CAMTA1: variants seen among roughly 807,000 people sequenced by gnomAD.
CAMTA1 encodes calmodulin-binding transcription activator 1.
CAMTA1 carries 27 observed loss-of-function variants against 170.9 expected under a neutral mutation model. That is an observed-to-expected ratio of 0.16 (90% CI 0.12 to 0.22). CAMTA1 has a LOEUF of 0.22. Ranked by LOEUF, CAMTA1 falls within the 10% of genes least tolerant of loss-of-function variation. The pLI is 1.00. For synonymous variants in CAMTA1, 833 were observed against 891.5 expected (o/e 0.93, Z 1.17); for missense variants, 1,619 against 2,217.2 (o/e 0.73, Z 5.42).
Position 7,682,006 on chromosome 1 carries a change from C to A in CAMTA1, c.2914+4273C>A, listed in dbSNP as rs547830532. 1.4e-4 allele frequency among the ~76,000 whole-genome samples: 21 copies of A among 151,762 alleles called. No individual in the cohort carries two copies. The highest frequency in any genetic ancestry group is 1.4e-3 in the Admixed American group (21 of 15,222). Reference sequence around the variant, plus strand: ...CCCTGTCCCCACCCCCACCTGCCGGCCCTTCTTGGAACCCCACTAAGCCGC... The same window carrying A: ...CCCTGTCCCCACCCCCACCTGCCGGACCTTCTTGGAACCCCACTAAGCCGC... On this transcript the variant is annotated intron_variant, in intron 11 of 22. Coordinates refer to ENST00000303635, the MANE Select transcript of CAMTA1 (RefSeq NM_015215.4). The surrounding 1 kb of genome is among the most constrained non-coding windows in gnomAD (Gnocchi z 5.0).
At chr1:6,916,308 G>A (rs4908428) in intron 3 of CAMTA1, among the ~76,000 whole-genome samples, 10,816 of 152,172 alleles carry the variant, frequency 0.071, 648 homozygotes, top group Admixed American at 0.2. Flanking sequence ...TTCCAAGAAA[G>A]GACACTAAGA....
At chr1:7,240,547 G>T (rs1396890169) in intron 4 of CAMTA1, among the ~76,000 whole-genome samples, 1 of 149,206 alleles carries the variant, frequency 6.7e-6, no homozygotes. Context: ...ATTGAGATGG[G>T]GTCTCACTCT....
intron 5 of CAMTA1, among the ~76,000 whole-genome samples, chr1:7,403,729 C>G (rs1259586717): frequency 2.6e-5 from 4 of 152,204 alleles, no homozygotes; most frequent in Admixed American, 6.5e-5. Context: ...CTGGGACCAT[C>G]TAGAACCTGG....
chr1:7,683,181 C>CAAAA (rs34814185), intron 11 of CAMTA1, among the ~76,000 whole-genome samples: 2 of 89,488 alleles, frequency 2.2e-5, no homozygotes, highest in Non-Finnish European at 2.1e-5. Flanking sequence ...GACTCTGTCT[C>CAAAA]AAAAAAAAAA....
At chr1:7,318,497 T>C (rs556915299) in intron 5 of CAMTA1, among the ~76,000 whole-genome samples, 39 of 152,250 alleles carry the variant, frequency 2.6e-4, no homozygotes, top group Admixed American at 5.2e-4. Flanking sequence ...AAAAATGTAA[T>C]GTGACCAGAG....
chr1:7,328,538 TCA>T (rs2082833237), intron 5 of CAMTA1, among the ~76,000 whole-genome samples: 1 of 152,042 alleles, frequency 6.6e-6, no homozygotes, highest in African/African-American at 2.4e-5. Context: ...TCAGACAAAC[TCA>T]GTTATCACCA....
chr1:7,237,669 A>G (rs1426841286), intron 4 of CAMTA1, among the ~76,000 whole-genome samples: 1 of 152,212 alleles, frequency 6.6e-6, no homozygotes, highest in Non-Finnish European at 1.5e-5. Context: ...ATCTTCAGTT[A>G]TTAATCATCT....
intron 4 of CAMTA1, among the ~76,000 whole-genome samples, chr1:7,186,512 G>A (rs1437384520): frequency 1.3e-5 from 2 of 152,098 alleles, no homozygotes; most frequent in African/African-American, 4.8e-5. Context: ...CTTATTGGGG[G>A]ATGACAGATG....
chr1:7,194,937 A>G (rs918638338), intron 4 of CAMTA1, among the ~76,000 whole-genome samples: 1 of 152,218 alleles, frequency 6.6e-6, no homozygotes, highest in African/African-American at 2.4e-5. Context: ...AGTTATCTAG[A>G]TAACAATCAT....
chr1:7,763,399 G>T (rs2096990786), intron 22 of CAMTA1, among the ~76,000 whole-genome samples: 1 of 152,202 alleles, frequency 6.6e-6, no homozygotes, highest in Non-Finnish European at 1.5e-5. Context: ...CTCAGGAGTT[G>T]TGGAAGCCTG....
At chr1:7,259,292 C>G (rs1667843426) in intron 5 of CAMTA1, among the ~76,000 whole-genome samples, 1 of 152,188 alleles carries the variant, frequency 6.6e-6, no homozygotes, top group Non-Finnish European at 1.5e-5. Flanking sequence ...CCTCCTTGCA[C>G]TTCGTAATTC....
At chr1:7,321,457 G>A (rs1420067230) in intron 5 of CAMTA1, among the ~76,000 whole-genome samples, 1 of 152,170 alleles carries the variant, frequency 6.6e-6, no homozygotes, top group Non-Finnish European at 1.5e-5. Context: ...AGTGATGCTT[G>A]GCCCTCTCAC....
At chr1:7,124,670 A>G (rs1233493021) in intron 4 of CAMTA1, among the ~76,000 whole-genome samples, 3 of 152,190 alleles carry the variant, frequency 2.0e-5, no homozygotes, top group Admixed American at 2.0e-4. Flanking sequence ...AGGAAACGTT[A>G]AGCAGATTCC....
At chr1:7,512,609 C>T (rs1341522240) in intron 6 of CAMTA1, among the ~76,000 whole-genome samples, 2 of 152,170 alleles carry the variant, frequency 1.3e-5, no homozygotes, top group Admixed American at 6.5e-5. Context: ...GCGGGAGGGC[C>T]GTTGGCCATG....
At chr1:7,724,173 C>T (rs1279920754) in intron 11 of CAMTA1, among the ~76,000 whole-genome samples, 1 of 152,142 alleles carries the variant, frequency 6.6e-6, no homozygotes, top group Non-Finnish European at 1.5e-5. Flanking sequence ...GTCACAGATC[C>T]AAGGACACTA....
intron 3 of CAMTA1, among the ~76,000 whole-genome samples, chr1:6,897,666 A>C (rs939174207): frequency 3.3e-5 from 5 of 152,152 alleles, no homozygotes; most frequent in African/African-American, 1.2e-4. Context: ...TGTGCAGTAC[A>C]CTTGACCCTA....
chr1:7,479,257 A>G (rs1028742569), intron 6 of CAMTA1, among the ~76,000 whole-genome samples: 24 of 152,208 alleles, frequency 1.6e-4, no homozygotes, highest in African/African-American at 4.8e-4. Flanking sequence ...GACTCCTGGC[A>G]AATGGTTTTG....
intron 11 of CAMTA1, among the ~76,000 whole-genome samples, chr1:7,704,247 CGGCGCGGGGAGCCAGGCAGGGCG>C (rs911490708): frequency 1.4e-5 from 2 of 146,470 alleles, no homozygotes; most frequent in African/African-American, 4.9e-5. Context: ...GCGGCCCCGA[CGGCGCGGGGAGCCAGGCAGGGCG>C]GGCGCGGGGC....
chr1:7,401,078 T>G (rs543808270), intron 5 of CAMTA1, among the ~76,000 whole-genome samples: 4 of 152,372 alleles, frequency 2.6e-5, no homozygotes, highest in Non-Finnish European at 5.9e-5. Context: ...TGGTGTCATA[T>G]CTAAGCAATC....
Sources: allele counts gnomAD v4.1 joint callset (sites outside exome capture counted in the v4.1 genomes callset), GRCh38; gene constraint gnomAD v4.1.1; non-coding constraint Gnocchi (gnomAD v3.1); transcripts MANE v1.5; gene names NCBI Gene and HGNC (gene_info 2026-07-23, HGNC 2026-07-21).